Variants in MSRA observed in about 807,000 individuals in gnomAD.
The protein encoded by MSRA is methionine sulfoxide reductase A, also known as mitochondrial peptide methionine sulfoxide reductase.
A neutral mutation model predicts 31.3 loss-of-function variants in MSRA; 54 were observed. That is an observed-to-expected ratio of 1.73 (90% CI 1.39 to 2.17). MSRA has a LOEUF of 2.17. Ranked by LOEUF, MSRA falls within the 30% of genes most tolerant of loss-of-function variation. MSRA has a pLI of 0.00. For synonymous variants in MSRA, 169 were observed against 116.5 expected (o/e 1.45, Z -2.90); for missense variants, 507 against 300.9 (o/e 1.69, Z -5.07).
intron 2 of MSRA, among the ~76,000 whole-genome samples, chr8:10,229,081 A>G (rs951341227): frequency 6.6e-6 from 1 of 152,178 alleles, no homozygotes; most frequent in African/African-American, 2.4e-5. Flanking sequence ...ACCAAGTGAG[A>G]TGTTATAAAT....
At chr8:10,267,812 T>C (rs1798825109) in intron 3 of MSRA, among the ~76,000 whole-genome samples, 2 of 152,196 alleles carry the variant, frequency 1.3e-5, no homozygotes, top group South Asian at 4.1e-4. Context: ...ATGCTCTCCA[T>C]GTACATAATG....
At chr8:10,340,749 A>G (rs1803375692) in intron 5 of MSRA, among the ~76,000 whole-genome samples, 1 of 152,244 alleles carries the variant, frequency 6.6e-6, no homozygotes, top group Non-Finnish European at 1.5e-5. Flanking sequence ...GGTATTTACC[A>G]AGTACCTCCG....
chr8:10,113,292 C>CTTT lies in MSRA; in HGVS notation c.142+58654_142+58656dup, dbSNP rs10665004. On this transcript the variant is annotated intron_variant, in intron 1 of 5. Coordinates refer to ENST00000317173, the MANE Select transcript of MSRA (RefSeq NM_012331.5). ...CATGGCTTTGGTGAAGACAGGTCTT[C>CTTT]TTTTTTTTTTTTTTTTTTTTTTGGA... is the stretch of plus-strand genomic sequence containing the variant. 1.4e-3 allele frequency among the ~76,000 whole-genome samples: 82 copies of CTTT among 57,582 alleles called. 6 individuals carry two copies. The highest frequency in any genetic ancestry group is 4.5e-3 in the African/African-American group (58 of 12,750). The allele number at this position is 57,582 out of a possible 152,430, so 37.8% of individuals were successfully genotyped here.
At chr8:10,241,501 A>G (rs1335515202) in intron 2 of MSRA, among the ~76,000 whole-genome samples, 1 of 152,218 alleles carries the variant, frequency 6.6e-6, no homozygotes, top group African/African-American at 2.4e-5. Context: ...TGAAGACACT[A>G]TGTAAATGGA....
intron 5 of MSRA, among the ~76,000 whole-genome samples, chr8:10,360,121 C>T (rs765489393): frequency 8.5e-5 from 13 of 152,202 alleles, no homozygotes; most frequent in Non-Finnish European, 1.3e-4. Flanking sequence ...CAGGCCCTTG[C>T]GTGTGCTGCT....
chr8:10,206,062 A>G (rs761370066), intron 1 of MSRA, among the ~76,000 whole-genome samples: 9 of 152,052 alleles, frequency 5.9e-5, no homozygotes, highest in Non-Finnish European at 1.3e-4. Context: ...TTTTTTCTTA[A>G]GGTGTATTCT....
At chr8:10,410,584 G>C (rs921567918) in intron 5 of MSRA, among the ~76,000 whole-genome samples, 3 of 152,170 alleles carry the variant, frequency 2.0e-5, no homozygotes, top group African/African-American at 7.2e-5. Context: ...CCCTCTTACA[G>C]AAGAGAAGGC....
intron 1 of MSRA, among the ~76,000 whole-genome samples, chr8:10,078,648 G>A (rs79626611): frequency 6.6e-6 from 1 of 152,278 alleles, no homozygotes; most frequent in Admixed American, 6.5e-5. Flanking sequence ...GCTTTCAGCA[G>A]GAGAGGCTGA....
chr8:10,224,694 C>T (rs4529465), intron 2 of MSRA, among the ~76,000 whole-genome samples: 29,572 of 152,060 alleles, frequency 0.19, 3,160 homozygotes, highest in South Asian at 0.36. Context: ...TGATTATTAC[C>T]TCCCCATCAG....
chr8:10,227,980 T>C (rs887077904), intron 2 of MSRA, among the ~76,000 whole-genome samples: 1 of 152,228 alleles, frequency 6.6e-6, no homozygotes, highest in African/African-American at 2.4e-5. Context: ...TCCTTGTTCC[T>C]AGCATCGTAG....
intron 4 of MSRA, among the ~76,000 whole-genome samples, chr8:10,308,088 A>G (rs1246628540): frequency 6.6e-6 from 1 of 152,174 alleles, no homozygotes; most frequent in African/African-American, 2.4e-5. Flanking sequence ...TTGTGCTGCT[A>G]GAGCTGTGAG....
intron 5 of MSRA, among the ~76,000 whole-genome samples, chr8:10,393,188 GC>G (rs1475405943): frequency 2.6e-5 from 4 of 151,922 alleles, no homozygotes; most frequent in African/African-American, 9.7e-5. Context: ...GAAAGCAGCC[GC>G]CCGCCCCCCG....
At chr8:10,320,459 C>T (rs969051391) in intron 5 of MSRA, 7 of 152,528 alleles carry the variant, frequency 4.6e-5, no homozygotes, top group African/African-American at 1.7e-4. Flanking sequence ...CAGAGCAAGA[C>T]CCTGTCTCAA....
intron 1 of MSRA, among the ~76,000 whole-genome samples, chr8:10,192,600 G>A (rs891297130): frequency 1.3e-5 from 2 of 152,258 alleles, no homozygotes; most frequent in Non-Finnish European, 2.9e-5. Context: ...AGCACAATGT[G>A]GAGATTTCTG....
intron 1 of MSRA, among the ~76,000 whole-genome samples, chr8:10,058,013 G>C (rs1243306501): frequency 6.6e-6 from 1 of 152,148 alleles, no homozygotes; most frequent in Non-Finnish European, 1.5e-5. Flanking sequence ...AGTATCAGTG[G>C]GATCAGGTGT....
intron 1 of MSRA, among the ~76,000 whole-genome samples, chr8:10,134,743 C>T (rs992246049): frequency 6.6e-6 from 1 of 152,188 alleles, no homozygotes; most frequent in Non-Finnish European, 1.5e-5. Flanking sequence ...GCAGTCTTCT[C>T]CTATGGCAGA....
intron 4 of MSRA, among the ~76,000 whole-genome samples, chr8:10,309,576 G>A (rs1801323946): frequency 6.6e-6 from 1 of 152,170 alleles, no homozygotes; most frequent in Non-Finnish European, 1.5e-5. Context: ...CTTTCCACCT[G>A]CAGCACAGCT....
At chr8:10,061,409 T>G (rs1802714321) in intron 1 of MSRA, among the ~76,000 whole-genome samples, 1 of 152,174 alleles carries the variant, frequency 6.6e-6, no homozygotes, top group Admixed American at 6.5e-5. Flanking sequence ...AACCCATCCT[T>G]TTTCTCTCCA....
intron 1 of MSRA, among the ~76,000 whole-genome samples, chr8:10,173,753 C>G (rs117956259): frequency 0.02 from 3,096 of 152,286 alleles, 40 homozygotes; most frequent in Middle Eastern, 0.044. Flanking sequence ...TTTCTTGTCA[C>G]TCTTTTGGTT....
Sources: gnomAD v4.1 joint callset for allele counts (sites outside exome capture counted in the v4.1 genomes callset) on GRCh38, gnomAD v4.1.1 for gene constraint, MANE v1.5 for transcripts, NCBI Gene and HGNC (gene_info 2026-07-23, HGNC 2026-07-21) for gene names.